KIAA2012: variants seen among roughly 807,000 people sequenced by gnomAD.
The protein encoded by KIAA2012 is KIAA2012, also known as uncharacterized protein KIAA2012.
A neutral mutation model predicts 150.6 loss-of-function variants in KIAA2012; 125 were observed. The observed-to-expected ratio is 0.83, with a 90% confidence interval of 0.72 to 0.96. The LOEUF is 0.96. Ranked by LOEUF, KIAA2012 falls within the 40% of genes least tolerant of loss-of-function variation. KIAA2012 has a pLI of 0.00. For synonymous variants in KIAA2012, 462 were observed against 504.7 expected, an observed-to-expected ratio of 0.92 and a Z score of 1.13; for missense variants, 1,219 against 1,354.9, an observed-to-expected ratio of 0.90 and a Z score of 1.57.
chr2:202,074,994 C>T lies in KIAA2012; in HGVS notation c.188C>T (p.Thr63Ile), dbSNP rs749252442. Residue 63 changes from threonine (T) to isoleucine (I), a missense_variant, in exon 2 of 24, where the codon ACT (threonine) becomes ATT (isoleucine). Coordinates refer to ENST00000498697, the MANE Select transcript of KIAA2012 (RefSeq NM_001277372.4). ...QHSWSLFLPK[T>I]FSTRKGALIL... is the part of the protein sequence containing the mutation. The stretch of plus-strand genomic sequence containing the variant: ...TCCTGGAGCCTCTTTCTCCCTAAAA[C>T]TTTCAGTACTAGAAAGGGTGCCCTG... The T allele has an allele frequency of 4.8e-5, 74 of 1,550,648 alleles. 1 individual carries two copies. The Middle Eastern group carries it at 1.5e-3, about 31-fold the overall frequency.
At chr2:202,169,822 T>C (rs1438482094) in intron 15 of KIAA2012, among the ~76,000 whole-genome samples, 1 of 152,196 alleles carries the variant, frequency 6.6e-6, no homozygotes, top group African/African-American at 2.4e-5. Flanking sequence ...AAGACATGGA[T>C]TCCTTTACCA....
intron 12 of KIAA2012, among the ~76,000 whole-genome samples, chr2:202,135,143 A>G (rs1453414386): frequency 6.6e-6 from 1 of 152,230 alleles, no homozygotes; most frequent in Non-Finnish European, 1.5e-5. Flanking sequence ...GATTAATGCT[A>G]GCATTTGAAA....
rs1690427333 is a variant in KIAA2012 at position 202,113,353 on chromosome 2, A to G, written c.1669A>G (p.Thr557Ala). ...TTTTCAAGAAGATTCCAGCGACCCT[A>G]CACTGGGACACTTCTTGCTGGGTCC... Reference protein sequence around the residue: ...PAAQEDSSDPTLGHFLLGPDG... With the variant: ...PAAQEDSSDPALGHFLLGPDG... The change falls in exon 11 of 24, where the codon ACA becomes GCA. Residue 557 changes from threonine (T) to alanine (A), a missense_variant. Thr to Ala is a moderately conservative substitution (Grantham distance 58). Transcript: ENST00000498697. The G allele has an allele frequency of 3.2e-6, 5 of 1,550,526 alleles. No individual in the cohort carries two copies. The highest frequency in any genetic ancestry group is 2.0e-5 in the Admixed American group (1 of 50,970).
At chr2:202,196,495 A>G (rs1023215839) in intron 21 of KIAA2012, among the ~76,000 whole-genome samples, 2 of 152,022 alleles carry the variant, frequency 1.3e-5, no homozygotes, top group Non-Finnish European at 2.9e-5. Flanking sequence ...ACGCCCGGCC[A>G]GGAAGCACCA....
At chr2:202,077,215 C>T in intron 2 of KIAA2012, 1 of 358,342 alleles carries the variant, frequency 2.8e-6, no homozygotes, top group Non-Finnish European at 5.5e-6. Context: ...TCTCCAATCA[C>T]CTGTACAACC....
At chr2:202,203,715 T>G (rs185164521) in intron 23 of KIAA2012, among the ~76,000 whole-genome samples, 64 of 152,168 alleles carry the variant, frequency 4.2e-4, no homozygotes, top group African/African-American at 1.5e-3. Flanking sequence ...CCTGAAGAAT[T>G]AACCACCCAC....
chr2:202,131,902 G>A (rs575062452), intron 12 of KIAA2012, among the ~76,000 whole-genome samples: 15 of 152,242 alleles, frequency 9.9e-5, no homozygotes, highest in Non-Finnish European at 1.6e-4. Flanking sequence ...GAGGCCTGGT[G>A]CGGTGGCTCA....
At position 202,113,487 on chromosome 2, in the gene KIAA2012, T is replaced by C. The variant is rs139738920; in HGVS notation, c.1762+41T>C. The C allele has an allele frequency of 1.9e-4, 271 of 1,399,482 alleles. 1 individual carries two copies. In the African/African-American group the frequency reaches 3.5e-3, roughly 18 times the overall value. The allele number at this position is 1,399,482 out of a possible 1,614,324, so 86.7% of individuals were successfully genotyped here. ...CCAGGGCAGCCTTGTTTTTTTTTTT[T>C]CAAAGGGGAAGATGTTACCTGCAGC... On this transcript the variant is annotated intron_variant, in intron 11 of 23. Transcript: ENST00000498697.
At chr2:202,101,359 C>T (rs535829987) in intron 7 of KIAA2012, among the ~76,000 whole-genome samples, 1 of 152,308 alleles carries the variant, frequency 6.6e-6, no homozygotes, top group South Asian at 2.1e-4. Flanking sequence ...ACCTTTCCAT[C>T]CACACCAGAA....
At chr2:202,080,689 TCC>T (rs1689430474) in intron 2 of KIAA2012, among the ~76,000 whole-genome samples, 1 of 81,006 alleles carries the variant, frequency 1.2e-5, no homozygotes, top group Non-Finnish European at 2.2e-5. Context: ...AGAGCGAAAC[TCC>T]GTCTCAAAAA....
intron 13 of KIAA2012, among the ~76,000 whole-genome samples, chr2:202,150,753 A>G (rs1691410632): frequency 6.6e-6 from 1 of 152,070 alleles, no homozygotes; most frequent in South Asian, 2.1e-4. Flanking sequence ...TGTCCATTCC[A>G]TTAGTTTTTA....
intron 11 of KIAA2012, among the ~76,000 whole-genome samples, chr2:202,123,336 A>AT (rs1320141406): frequency 6.6e-6 from 1 of 152,078 alleles, no homozygotes; most frequent in East Asian, 1.9e-4. Context: ...TCATTATGCA[A>AT]TTTATCTCTC....
At chr2:202,110,190 A>G (rs1559207454) in intron 10 of KIAA2012, among the ~76,000 whole-genome samples, 1 of 152,186 alleles carries the variant, frequency 6.6e-6, no homozygotes, top group African/African-American at 2.4e-5. Flanking sequence ...GACAGAAGTC[A>G]ACTCCAGCCC....
chr2:202,090,653 T>C (rs1689694510), intron 2 of KIAA2012, 117 bp from the exon 3 acceptor site: 1 of 1,237,890 alleles, frequency 8.1e-7, no homozygotes, highest in Non-Finnish European at 1.1e-6. Flanking sequence ...TTTTGGTGCC[T>C]TCTGGCACCT....
In KIAA2012 at chr2:202,159,699, G is replaced by A. The variant is rs182176973; in HGVS notation, c.2046+4889G>A. On this transcript the variant is annotated intron_variant, in intron 14 of 23. Coordinates refer to ENST00000498697, the MANE Select transcript of KIAA2012 (RefSeq NM_001277372.4). Reference sequence around the variant, plus strand: ...CTACTAAAAATATAAAAAATTAGCCGGGCATGGTAGCATGTGCCTGTAGTC... The same window carrying A: ...CTACTAAAAATATAAAAAATTAGCCAGGCATGGTAGCATGTGCCTGTAGTC... 7.7e-3 allele frequency among the ~76,000 whole-genome samples: 1,175 copies of A among 152,176 alleles called. 7 individuals are homozygous for A. Among genetic ancestry groups the A allele is most frequent in the Non-Finnish European group, 0.012 (840 of 68,004 alleles).
At chr2:202,092,929 C>G (rs1435911553) in intron 3 of KIAA2012, 101 bp from the exon 4 acceptor site, 16 of 1,029,568 alleles carry the variant, frequency 1.6e-5, no homozygotes, top group Middle Eastern at 2.1e-4. Flanking sequence ...GGGCAATGTC[C>G]AAAGCCAAGA....
rs1692355349 is a variant in KIAA2012 at position 202,193,373 on chromosome 2, T to C, written c.2884T>C (p.Trp962Arg). 1.9e-6 allele frequency: 3 copies of C among 1,549,358 alleles called. No homozygotes were observed. The highest frequency in any genetic ancestry group is 2.6e-6 in the Non-Finnish European group (3 of 1,146,616). Residue 962 changes from tryptophan (W) to arginine (R), a missense_variant, in exon 20 of 24, where the codon TGG (tryptophan) becomes CGG (arginine). By Grantham distance (101) the Trp-to-Arg change is moderately radical (BLOSUM62 -3). Transcript: ENST00000498697. ...RLRAERAEMR[W>R]LEVEKKRREQ... ...TCGAGCAGAAAGAGCCGAGATGAGGTGGCTGGAGGTGGAGAAGAAGAGAAG... is the reference window on the plus strand; with the variant it reads ...TCGAGCAGAAAGAGCCGAGATGAGGCGGCTGGAGGTGGAGAAGAAGAGAAG...
rs183590946 is a variant in KIAA2012 at position 202,162,658 on chromosome 2, C to T, written c.2047-2626C>T. Among the ~76,000 whole-genome samples, 593 of 148,504 alleles carry T rather than the reference C, an allele frequency of 4.0e-3. 6 individuals carry two copies. The highest frequency in any genetic ancestry group is 0.014 in the African/African-American group (551 of 40,126). On this transcript the variant is annotated intron_variant, in intron 14 of 23. Transcript: ENST00000498697. Reference sequence around the variant, plus strand: ...CATAAAGAGATGCTTGTAGGCCAGGCGCAGTGGCTCACGCCTGTAATCCCA... The same window carrying T: ...CATAAAGAGATGCTTGTAGGCCAGGTGCAGTGGCTCACGCCTGTAATCCCA...
At chr2:202,076,999 T>C (rs1457957278) in intron 2 of KIAA2012, 1 of 457,134 alleles carries the variant, frequency 2.2e-6, no homozygotes, top group South Asian at 1.5e-5. Context: ...ACCACAGTAT[T>C]TCTCCCTTCC....
Sources: allele counts gnomAD v4.1 joint callset (sites outside exome capture counted in the v4.1 genomes callset), GRCh38; gene constraint gnomAD v4.1.1; transcripts MANE v1.5; gene names NCBI Gene and HGNC (gene_info 2026-07-23, HGNC 2026-07-21).